GUCY1B1: variants seen among roughly 807,000 people sequenced by gnomAD.
GUCY1B1 encodes the protein guanylate cyclase soluble subunit beta-1.
Under a neutral mutation model 71.0 loss-of-function variants are expected in GUCY1B1, and 43 were observed. That is an observed-to-expected ratio of 0.61 (90% CI 0.47 to 0.78). The LOEUF (loss-of-function observed/expected upper bound fraction) is 0.78, where lower values mean the gene tolerates loss of function less well. Ranked by LOEUF, GUCY1B1 falls within the 30% of genes least tolerant of loss-of-function variation. The pLI, the probability that GUCY1B1 is intolerant of heterozygous loss-of-function variation, is 0.00. For missense variants in GUCY1B1, 535 were observed against 754.1 expected (o/e 0.71, Z 3.40); for synonymous variants, 266 against 259.7 (o/e 1.02, Z -0.23).
intron 8 of GUCY1B1, among the ~76,000 whole-genome samples, chr4:155,799,385 C>T (rs961939696): frequency 6.6e-6 from 1 of 151,966 alleles, no homozygotes; most frequent in African/African-American, 2.4e-5. Context: ...GGGTCATAAA[C>T]GTGGTTGGGA....
intron 4 of GUCY1B1, among the ~76,000 whole-genome samples, chr4:155,782,414 T>G (rs1458167650): frequency 6.6e-6 from 1 of 152,198 alleles, no homozygotes; most frequent in Non-Finnish European, 1.5e-5. Context: ...TATCTGAAGC[T>G]TCTAGTGTAC....
chr4:155,779,022 T>C (rs1356989167), intron 4 of GUCY1B1, among the ~76,000 whole-genome samples: 1 of 152,090 alleles, frequency 6.6e-6, no homozygotes, highest in Non-Finnish European at 1.5e-5. Flanking sequence ...AAGCTTGTTA[T>C]GGCACAGTAA....
chr4:155,791,140 A>T (rs1739123689), intron 5 of GUCY1B1, among the ~76,000 whole-genome samples: 1 of 150,354 alleles, frequency 6.7e-6, no homozygotes, highest in Non-Finnish European at 1.5e-5. Flanking sequence ...TTTGAGACAG[A>T]GTCTCACTCT....
chr4:155,782,389 G>T (rs1028913254), intron 4 of GUCY1B1, among the ~76,000 whole-genome samples: 1 of 152,260 alleles, frequency 6.6e-6, no homozygotes, highest in East Asian at 1.9e-4. Context: ...GCGCCTGGCT[G>T]CTATAGTCAA....
chr4:155,804,767 T>C lies in GUCY1B1; in HGVS notation c.1709+20T>C, dbSNP rs1740204015. 7.5e-6 allele frequency: 12 copies of C among 1,597,278 alleles called. No homozygotes were observed. Among genetic ancestry groups the C allele is most frequent in the Non-Finnish European group, 1.0e-5 (12 of 1,168,110 alleles). ...ATACAGGTGAGAGAAAATGTCTTGG[T>C]ATTTACTGATTTGCAAAGAAAATGT... On this transcript the variant is annotated intron_variant, in intron 12 of 13. Transcript: ENST00000264424.
At chr4:155,771,778 A>C (rs1484842172) in intron 2 of GUCY1B1, among the ~76,000 whole-genome samples, 1 of 152,192 alleles carries the variant, frequency 6.6e-6, no homozygotes, top group Non-Finnish European at 1.5e-5. Flanking sequence ...TTGTGGAAAA[A>C]ATAAAAACAT....
intron 13 of GUCY1B1, 143 bp downstream of exon 13, chr4:155,805,372 T>C: frequency 1.4e-6 from 1 of 707,166 alleles, no homozygotes. Context: ...GTGGAAATAA[T>C]TGAACATTAA....
chr4:155,777,724 AG>A, intron 4 of GUCY1B1, 82 bp downstream of exon 4: 1 of 736,034 alleles, frequency 1.4e-6, no homozygotes, highest in South Asian at 1.6e-5. Context: ...TTGTTCACTC[AG>A]CTGTACAAGA....
At chr4:155,797,520 A>G (rs186373326) in intron 8 of GUCY1B1, among the ~76,000 whole-genome samples, 1 of 152,094 alleles carries the variant, frequency 6.6e-6, no homozygotes, top group Non-Finnish European at 1.5e-5. Flanking sequence ...TGGGTGGATC[A>G]CAAGGTCAGG....
At chr4:155,774,301 G>T (rs552861170) in intron 2 of GUCY1B1, among the ~76,000 whole-genome samples, 1 of 152,076 alleles carries the variant, frequency 6.6e-6, no homozygotes. Context: ...CCCCAGGCAT[G>T]CTCCTGCCTT....
At chr4:155,778,436 A>T (rs1738204619) in intron 4 of GUCY1B1, among the ~76,000 whole-genome samples, 2 of 152,236 alleles carry the variant, frequency 1.3e-5, no homozygotes, top group South Asian at 4.1e-4. Context: ...GGCTGCTTTC[A>T]GCAGCCAGAT....
rs1444752034 is a variant in GUCY1B1, at chr4:155,794,024, A to G, written c.664A>G (p.Ile222Val). Residue 222 changes from isoleucine (I) to valine (V), a missense_variant, in exon 6 of 14, where the codon ATA becomes GTA. Physicochemically the swap from Ile to Val is conservative, Grantham distance 29. Transcript: ENST00000264424. ...TFCKAFPFHI[I>V]FDRDLVVTQC... ...CTGCAAAGCTTTTCCTTTTCATATA[A>G]TATTTGACCGGGACCTAGTGGTCAC... The G allele has an allele frequency of 1.9e-6, 3 of 1,613,492 alleles. No homozygotes were observed. In the Admixed American group the frequency reaches 5.0e-5, roughly 27 times the overall value.
chr4:155,800,587 C>T (rs3796575), intron 9 of GUCY1B1, among the ~76,000 whole-genome samples: 44,616 of 152,042 alleles, frequency 0.29, 6,841 homozygotes, highest in Middle Eastern at 0.4. Context: ...ACAACAATTA[C>T]ATCTATAGTG....
At chr4:155,793,503 T>C (rs1431871877) in intron 5 of GUCY1B1, among the ~76,000 whole-genome samples, 4 of 152,250 alleles carry the variant, frequency 2.6e-5, no homozygotes, top group Non-Finnish European at 4.4e-5. Context: ...TATTTGATAG[T>C]GCTAGCTTGC....
At chr4:155,788,348 G>C (rs1324848286) in intron 4 of GUCY1B1, among the ~76,000 whole-genome samples, 1 of 152,220 alleles carries the variant, frequency 6.6e-6, no homozygotes, top group Non-Finnish European at 1.5e-5. Flanking sequence ...TCCTTCAACA[G>C]TCTCCTACAT....
intron 5 of GUCY1B1, among the ~76,000 whole-genome samples, chr4:155,791,536 C>G (rs1222918802): frequency 6.8e-6 from 1 of 148,060 alleles, no homozygotes; most frequent in Non-Finnish European, 1.5e-5. Flanking sequence ...TGAGACCATC[C>G]TGGCTAACAC....
At chr4:155,801,558 A>G (rs1050073120) in intron 9 of GUCY1B1, among the ~76,000 whole-genome samples, 2 of 152,208 alleles carry the variant, frequency 1.3e-5, no homozygotes, top group African/African-American at 4.8e-5. Context: ...TCCATTTTGC[A>G]TATTTAAACT....
intron 4 of GUCY1B1, among the ~76,000 whole-genome samples, chr4:155,782,177 GC>G (rs1253722173): frequency 2.0e-5 from 3 of 152,228 alleles, no homozygotes; most frequent in African/African-American, 7.2e-5. Flanking sequence ...CCGGGTTCAC[GC>G]CATTCTACTG....
chr4:155,782,073 T>TTTG (rs1554010840), intron 4 of GUCY1B1, among the ~76,000 whole-genome samples: 6 of 151,324 alleles, frequency 4.0e-5, no homozygotes, highest in African/African-American at 1.2e-4. Context: ...TTTTTAATGT[T>TTTG]TTATTATTAT....
Sources: allele counts gnomAD v4.1 joint callset (sites outside exome capture counted in the v4.1 genomes callset), GRCh38; gene constraint gnomAD v4.1.1; transcripts MANE v1.5; gene names NCBI Gene and HGNC (gene_info 2026-07-23, HGNC 2026-07-21).